The following DGKB variants were observed in gnomAD, a reference collection of about 807,000 sequenced individuals.
DGKB encodes the protein 90 kDa diacylglycerol kinase.
In DGKB, 67 loss-of-function variants were observed where a neutral mutation model predicts 114.3. The ratio of observed to expected loss-of-function variants is 0.59; its 90% confidence interval spans 0.48 to 0.72. DGKB has a LOEUF of 0.72. Among genes scored for constraint, DGKB ranks in the 30% least tolerant of loss-of-function variants. DGKB has a pLI of 0.00. For synonymous variants in DGKB, 398 were observed against 323.1 expected (o/e 1.23, Z -2.49); for missense variants, 907 against 975.2 (o/e 0.93, Z 0.93).
intron 1 of DGKB, among the ~76,000 whole-genome samples, chr7:14,917,483 A>T (rs1784300306): frequency 6.6e-6 from 1 of 151,998 alleles, no homozygotes; most frequent in African/African-American, 2.4e-5. Flanking sequence ...TAATAAAGAA[A>T]TGCTATACAC....
At chr7:14,971,109 A>G (rs1787439680) in intron 1 of DGKB, among the ~76,000 whole-genome samples, 1 of 152,172 alleles carries the variant, frequency 6.6e-6, no homozygotes. Flanking sequence ...GATGACTTCA[A>G]TTGTTGGGAT....
intron 21 of DGKB, among the ~76,000 whole-genome samples, chr7:14,457,398 T>G (rs983535602): frequency 2.0e-5 from 3 of 152,184 alleles, no homozygotes; most frequent in Admixed American, 6.5e-5. Flanking sequence ...TACACAAGAT[T>G]TGTTAAAATG....
chr7:14,702,776 A>C (rs1019023180), intron 6 of DGKB, among the ~76,000 whole-genome samples: 21 of 152,166 alleles, frequency 1.4e-4, no homozygotes, highest in Admixed American at 1.2e-3. Flanking sequence ...GTCTATTTGT[A>C]GGTGATTATT....
rs1354454469 is a variant in DGKB, at chr7:14,499,914, C to T, written c.1771-21689G>A. On this transcript the variant is annotated intron_variant, in intron 20 of 25. Transcript: ENST00000402815. Reference sequence around the variant, plus strand: ...GAATCAGACCCGTGGCTCATCCCAGCGTTTTCTTTTAGGCATTGGCTTTGA... The same window carrying T: ...GAATCAGACCCGTGGCTCATCCCAGTGTTTTCTTTTAGGCATTGGCTTTGA... Among the ~76,000 whole-genome samples, 7 of 151,870 alleles carry T rather than the reference C, an allele frequency of 4.6e-5. No individual in the cohort carries two copies. The South Asian group carries it at 8.3e-4, about 18-fold the overall frequency.
At chr7:14,198,050 C>T (rs755938988) in intron 23 of DGKB, among the ~76,000 whole-genome samples, 11 of 151,924 alleles carry the variant, frequency 7.2e-5, no homozygotes, top group Admixed American at 6.6e-4. Context: ...CAGAGTTGAC[C>T]TTCACATCTC....
chr7:14,705,372 G>A (rs1229462043), intron 6 of DGKB, among the ~76,000 whole-genome samples: 1 of 149,424 alleles, frequency 6.7e-6, no homozygotes, highest in Non-Finnish European at 1.5e-5. Context: ...GGGGAGAATG[G>A]AACCAAGTTG....
At chr7:14,545,336 G>A (rs1209588671) in intron 20 of DGKB, among the ~76,000 whole-genome samples, 2 of 152,154 alleles carry the variant, frequency 1.3e-5, no homozygotes, top group South Asian at 4.1e-4. Flanking sequence ...GTTCGACCAT[G>A]TTCCTGACTG....
chr7:14,676,256 C>A (rs1005370547), intron 12 of DGKB, among the ~76,000 whole-genome samples: 2 of 151,644 alleles, frequency 1.3e-5, no homozygotes, highest in Non-Finnish European at 2.9e-5. Context: ...GGGGAAAATT[C>A]ATTGGGCTCT....
intron 20 of DGKB, among the ~76,000 whole-genome samples, chr7:14,539,515 G>A (rs1450470066): frequency 1.3e-5 from 2 of 151,978 alleles, no homozygotes; most frequent in Non-Finnish European, 2.9e-5. Flanking sequence ...CCCTAGAATG[G>A]GTTAATCATG....
intron 13 of DGKB, among the ~76,000 whole-genome samples, chr7:14,644,116 CAA>C (rs35685758): frequency 0.054 from 7,502 of 138,798 alleles, 272 homozygotes; most frequent in Admixed American, 0.076. Flanking sequence ...TGATTACAGG[CAA>C]AAAAAAAAAA....
intron 2 of DGKB, among the ~76,000 whole-genome samples, chr7:14,767,869 G>A (rs1303377885): frequency 6.6e-6 from 1 of 151,828 alleles, no homozygotes; most frequent in Non-Finnish European, 1.5e-5. Flanking sequence ...AAGTTCTTAT[G>A]TGGGTTGCAA....
At chr7:14,523,087 T>C (rs1054843046) in intron 20 of DGKB, among the ~76,000 whole-genome samples, 5 of 152,082 alleles carry the variant, frequency 3.3e-5, no homozygotes, top group African/African-American at 1.2e-4. Flanking sequence ...AAATAAAAGG[T>C]AAATATTAAT....
chr7:14,521,517 A>G (rs1789766768), intron 20 of DGKB, among the ~76,000 whole-genome samples: 1 of 151,904 alleles, frequency 6.6e-6, no homozygotes, highest in Non-Finnish European at 1.5e-5. Context: ...TTTTTCTGAC[A>G]CCGCAGACCT....
chr7:14,683,950 T>G (rs879025706), intron 10 of DGKB, among the ~76,000 whole-genome samples: 1 of 152,164 alleles, frequency 6.6e-6, no homozygotes, highest in Non-Finnish European at 1.5e-5. Flanking sequence ...TTGAGACTTA[T>G]CATTTTGTTT....
At chr7:14,708,912 C>T (rs967326197) in intron 6 of DGKB, among the ~76,000 whole-genome samples, 1 of 151,334 alleles carries the variant, frequency 6.6e-6, no homozygotes, top group Non-Finnish European at 1.5e-5. Flanking sequence ...TGGGCAAGGA[C>T]TTCATGTCCA....
chr7:14,875,447 T>C (rs2128204810), intron 1 of DGKB, among the ~76,000 whole-genome samples: 1 of 152,268 alleles, frequency 6.6e-6, no homozygotes, highest in African/African-American at 2.4e-5. Flanking sequence ...TTAAACACTA[T>C]AATCTGAAAT....
chr7:14,620,917 T>C (rs1432123962), intron 15 of DGKB, among the ~76,000 whole-genome samples: 1 of 151,748 alleles, frequency 6.6e-6, no homozygotes, highest in Non-Finnish European at 1.5e-5. Context: ...TATATTACAA[T>C]ACATTCTTTA....
rs1448384110 is a variant in DGKB, at chr7:14,777,538, A to AGGGGCTTTTG, written c.71-19808_71-19807insCAAAAGCCCC. Among the ~76,000 whole-genome samples, 13 of 152,124 alleles carry AGGGGCTTTTG rather than the reference A, an allele frequency of 8.5e-5. No homozygotes were observed. The South Asian group carries it at 1.9e-3, about 22-fold the overall frequency. ...TCTCAAAAGATCTGATGGTTTAATA[A>AGGGGCTTTTG]GGGGCTTTTCTTCCTCTTTGCTCTG... On this transcript the variant is annotated intron_variant, in intron 2 of 25. Coordinates refer to ENST00000402815, the MANE Select transcript of DGKB (RefSeq NM_001350709.2).
At chr7:14,703,407 G>C (rs1398549425) in intron 6 of DGKB, among the ~76,000 whole-genome samples, 1 of 152,088 alleles carries the variant, frequency 6.6e-6, no homozygotes, top group Non-Finnish European at 1.5e-5. Flanking sequence ...ATAGATAATG[G>C]GCATTCATTA....
Sources: allele counts gnomAD v4.1 joint callset (sites outside exome capture counted in the v4.1 genomes callset), GRCh38; gene constraint gnomAD v4.1.1; transcripts MANE v1.5; gene names NCBI Gene and HGNC (gene_info 2026-07-23, HGNC 2026-07-21).